Variants in CMIP observed in about 807,000 individuals in gnomAD.
CMIP encodes the protein C-Maf-inducing protein.
Under a neutral mutation model 97.3 loss-of-function variants are expected in CMIP, and 13 were observed. The ratio of observed to expected loss-of-function variants is 0.13; its 90% CI spans 0.09 to 0.21. The LOEUF is 0.21. Ranked by LOEUF, CMIP falls within the 10% of genes least tolerant of loss-of-function variation. CMIP has a pLI of 1.00. For synonymous variants in CMIP, 538 were observed against 436.3 expected (o/e 1.23, Z -2.91); for missense variants, 847 against 1,024.9 (o/e 0.83, Z 2.37).
At chr16:81,702,759 A>G (rs1457417190) in intron 17 of CMIP, 90 bp downstream of exon 17, 3 of 1,140,934 alleles carry the variant, frequency 2.6e-6, no homozygotes, top group Non-Finnish European at 2.6e-6. Flanking sequence ...TGCTGCTGAG[A>G]TGGGAGGTGA....
intron 1 of CMIP, among the ~76,000 whole-genome samples, chr16:81,528,602 A>C (rs1029641895): frequency 3.9e-5 from 6 of 152,168 alleles, no homozygotes; most frequent in Non-Finnish European, 7.3e-5. Context: ...TCTGGTAACT[A>C]TTCCTAGAAT....
rs1236933193 is a variant in CMIP, at chr16:81,652,410, C to G, written c.639+46C>G. 1.3e-6 allele frequency: 2 copies of G among 1,506,104 alleles called. No homozygotes were observed. Among genetic ancestry groups the G allele is most frequent in the Non-Finnish European group, 1.8e-6 (2 of 1,096,282 alleles). The allele number at this position is 1,506,104 out of a possible 1,614,324, so 93.3% of individuals were successfully genotyped here. A position where few individuals can be genotyped will look rare whatever the true frequency, so the allele number is the denominator to read the frequency against. ...CCCTTTACATTGTTTGCCTTTCCCT[C>G]CACCGATCACCGGCTCCATGCCAAG... On this transcript the variant is annotated intron_variant, in intron 4 of 20. Coordinates refer to ENST00000537098, the MANE Select transcript of CMIP (RefSeq NM_198390.3). This position sits in a 1 kb window ranked among gnomAD's most constrained non-coding sequence, Gnocchi z 5.2.
At chr16:81,625,967 A>T (rs1451973277) in intron 3 of CMIP, among the ~76,000 whole-genome samples, 1 of 152,248 alleles carries the variant, frequency 6.6e-6, no homozygotes, top group Admixed American at 6.5e-5. Context: ...GCTGGCCTGT[A>T]TTCCTGTCCC....
At chr16:81,693,257 C>T (rs760434171) in intron 12 of CMIP, 73 bp downstream of exon 12, 28 of 1,473,828 alleles carry the variant, frequency 1.9e-5, no homozygotes, top group African/African-American at 5.5e-5. Flanking sequence ...CCCTCCGTGG[C>T]CCATGCATTC....
chr16:81,668,846 ACACT>A (rs71862608), intron 7 of CMIP, among the ~76,000 whole-genome samples: 2,283 of 67,154 alleles, frequency 0.034, 64 homozygotes, highest in African/African-American at 0.096. Flanking sequence ...CACCCACCTC[ACACT>A]CACTGCCTTC....
At chr16:81,482,713 C>G (rs1238889648) in intron 1 of CMIP, among the ~76,000 whole-genome samples, 1 of 152,208 alleles carries the variant, frequency 6.6e-6, no homozygotes, top group Non-Finnish European at 1.5e-5. Flanking sequence ...CAGGCTGCAT[C>G]TTCCCATTGC....
chr16:81,684,225 G>C (rs554718919), intron 10 of CMIP, among the ~76,000 whole-genome samples: 76 of 151,352 alleles, frequency 5.0e-4, no homozygotes, highest in African/African-American at 1.8e-3. Flanking sequence ...GAGGTCCTCC[G>C]GCCTCGCGGG....
At chr16:81,480,124 T>G (rs1467522272) in intron 1 of CMIP, among the ~76,000 whole-genome samples, 1 of 152,064 alleles carries the variant, frequency 6.6e-6, no homozygotes, top group Non-Finnish European at 1.5e-5. Context: ...TGAGAGTGAG[T>G]GGTAGGCAGT....
intron 1 of CMIP, among the ~76,000 whole-genome samples, chr16:81,469,684 G>A (rs145627146): frequency 9.9e-5 from 15 of 152,218 alleles, no homozygotes; most frequent in African/African-American, 3.6e-4. Flanking sequence ...GTTCTTCAGA[G>A]AACTCACTAT....
chr16:81,651,907 CA>C (rs544797754), intron 3 of CMIP, among the ~76,000 whole-genome samples: 1 of 151,758 alleles, frequency 6.6e-6, no homozygotes, highest in Non-Finnish European at 1.5e-5. Context: ...AAAACAAAAA[CA>C]AAAAAACAGG....
In CMIP at chr16:81,701,774, G is replaced by T; in HGVS notation, c.1870G>T (p.Asp624Tyr). 6.2e-7 allele frequency: 1 copy of T among 1,613,764 alleles called. No individual in the cohort carries two copies. The highest frequency in any genetic ancestry group is 8.5e-7 in the Non-Finnish European group (1 of 1,179,874). ...GAAGCGCATGTACGAGCAGCTGTGTGACCGGCAGCGGGAGCTGAAGGAGCT... is the reference window on the plus strand; with the variant it reads ...GAAGCGCATGTACGAGCAGCTGTGTTACCGGCAGCGGGAGCTGAAGGAGCT... ...VGKRMYEQLC[D>Y]RQRELKELQR... Residue 624 changes from aspartate to tyrosine, a missense_variant, in exon 16 of 21, where the codon GAC (aspartate) becomes TAC (tyrosine). Around this residue, in one of 4 missense-constraint regions of CMIP, gnomAD observed 266 missense variants for 384.2 expected, o/e 0.69. Coordinates refer to ENST00000537098, the MANE Select transcript of CMIP (RefSeq NM_198390.3).
chr16:81,646,154 G>A (rs2092362101), intron 3 of CMIP, among the ~76,000 whole-genome samples: 1 of 149,022 alleles, frequency 6.7e-6, no homozygotes, highest in African/African-American at 2.5e-5. Flanking sequence ...TTGGGTGGGT[G>A]GATAGTTGAG....
rs1423999726 is a variant in CMIP, at chr16:81,666,028, G to A, written c.825+1679G>A. 3 of 152,200 alleles carry A rather than the reference G, an allele frequency of 2.0e-5. No homozygotes were observed. The East Asian group carries it at 5.8e-4, about 29-fold the overall frequency. The allele number at this position is 152,200 out of a possible 1,614,324, so 9.4% of individuals were successfully genotyped here. ...TCATTTCTTGTTTTCAGAACACAGG[G>A]GATAGGGACACCCTGTGCAGTTCTT... is the stretch of plus-strand genomic sequence containing the variant. On this transcript the variant is annotated intron_variant, in intron 7 of 20. Coordinates refer to ENST00000537098, the MANE Select transcript of CMIP (RefSeq NM_198390.3).
chr16:81,619,171 G>T (rs1044757659), intron 2 of CMIP: 1 of 152,270 alleles, frequency 6.6e-6, no homozygotes, highest in Non-Finnish European at 1.5e-5. Flanking sequence ...CGGAGGGCTT[G>T]CCTCCTGCCT....
chr16:81,572,923 C>T (rs1290357167), intron 1 of CMIP, among the ~76,000 whole-genome samples: 1 of 152,226 alleles, frequency 6.6e-6, no homozygotes, highest in Non-Finnish European at 1.5e-5. Flanking sequence ...TGATTGGTCC[C>T]TGCCTCACAT....
chr16:81,549,061 G>T (rs2090604172), intron 1 of CMIP, among the ~76,000 whole-genome samples: 1 of 148,690 alleles, frequency 6.7e-6, no homozygotes, highest in Non-Finnish European at 1.5e-5. Context: ...CTATTTTACT[G>T]CAGGCTTAGG....
intron 2 of CMIP, among the ~76,000 whole-genome samples, chr16:81,608,307 G>A (rs552064469): frequency 1.4e-4 from 22 of 152,246 alleles, no homozygotes; most frequent in African/African-American, 4.6e-4. Flanking sequence ...GGGGACTTCA[G>A]GCATTGCTGG....
intron 1 of CMIP, among the ~76,000 whole-genome samples, chr16:81,449,548 G>T (rs1906075586): frequency 6.6e-6 from 1 of 152,162 alleles, no homozygotes. Context: ...GAACTCATCT[G>T]TGCCCACATG....
chr16:81,470,862 T>A (rs1907483869), intron 1 of CMIP, among the ~76,000 whole-genome samples: 1 of 152,240 alleles, frequency 6.6e-6, no homozygotes, highest in East Asian at 1.9e-4. Context: ...GCTGTAGCCC[T>A]GAAACTCCTG....
Sources: gnomAD v4.1 joint callset for allele counts (sites outside exome capture counted in the v4.1 genomes callset) on GRCh38, gnomAD v4.1.1 for gene constraint, gnomAD v4.1.1 regional missense constraint, Gnocchi (gnomAD v3.1) non-coding constraint, MANE v1.5 for transcripts, NCBI Gene and HGNC (gene_info 2026-07-23, HGNC 2026-07-21) for gene names.